Variants in DIAPH3 observed in about 807,000 individuals in gnomAD.
The protein encoded by DIAPH3 is diaphanous related formin 3.
DIAPH3 carries 117 observed loss-of-function variants against 144.3 expected under a neutral mutation model. The ratio of observed to expected loss-of-function variants is 0.81; its 90% CI spans 0.70 to 0.95. The LOEUF (loss-of-function observed/expected upper bound fraction) is 0.95, where lower values mean the gene tolerates loss of function less well. Among genes scored for constraint, DIAPH3 ranks in the 40% least tolerant of loss-of-function variants. The pLI is 0.00. For synonymous variants in DIAPH3, 519 were observed against 488.9 expected (o/e 1.06, Z -0.81); for missense variants, 1,421 against 1,412.7 (o/e 1.01, Z -0.09).
At chr13:59,970,772 C>T (rs994810686) in intron 16 of DIAPH3, 80 bp downstream of exon 16, 12 of 1,248,510 alleles carry the variant, frequency 9.6e-6, no homozygotes, top group Non-Finnish European at 1.3e-5. Flanking sequence ...AATTAAATCT[C>T]ATTAGAAATT....
chr13:59,838,670 TAG>T (rs2139762196), intron 23 of DIAPH3: 1 of 152,424 alleles, frequency 6.6e-6, no homozygotes, highest in Admixed American at 6.5e-5. Flanking sequence ...ATCATGAGTT[TAG>T]AGTCAAACTT....
chr13:59,992,646 T>C (rs573381931), intron 9 of DIAPH3, 63 bp from the exon 10 acceptor site: 97 of 1,300,474 alleles, frequency 7.5e-5, no homozygotes, highest in Non-Finnish European at 9.8e-5. Context: ...GTAACAAACG[T>C]AAACTTCAAG....
rs200132378 is a variant in DIAPH3 at position 60,044,014 on chromosome 13, G to GA, written c.496-1195dup. On this transcript the variant is annotated intron_variant, in intron 4 of 27. Transcript: ENST00000400324. ...AAGACAGCTAACCATGCATATACAG[G>GA]AAAAAAAAATGCTGTGATGGAGGGA... is the stretch of plus-strand genomic sequence containing the variant. Among the ~76,000 whole-genome samples the GA allele has an allele frequency of 1.1e-3, 169 of 150,444 alleles. 1 individual carries two copies. Among genetic ancestry groups the GA allele is most frequent in the Non-Finnish European group, 2.0e-3 (132 of 67,472 alleles).
chr13:59,759,180 T>G (rs937458572), intron 27 of DIAPH3, among the ~76,000 whole-genome samples: 7 of 152,078 alleles, frequency 4.6e-5, no homozygotes, highest in African/African-American at 1.7e-4. Context: ...AAGAAGACCT[T>G]AGTGCAAAAA....
Position 59,839,405 on chromosome 13 carries a change from C to G in DIAPH3, c.2781G>C (p.Arg927Ser), listed in dbSNP as rs865909455. 1.2e-6 allele frequency: 2 copies of G among 1,613,702 alleles called. No homozygotes were observed. Among genetic ancestry groups the G allele is most frequent in the Middle Eastern group, 1.7e-4 (1 of 6,054 alleles). The stretch of plus-strand genomic sequence containing the variant: ...ATTCCTTCTCAAGCTGTTGAAGCTG[C>G]CTTCCCATCTGCCTCAAATTCTTTT... ...TLEKNLRQMG[R>S]QLQQLEKELE... Residue 927 changes from arginine to serine, a missense_variant, in exon 23 of 28, where the codon AGG becomes AGC. Transcript: ENST00000400324.
At chr13:59,907,392 A>G (rs562421677) in intron 20 of DIAPH3, among the ~76,000 whole-genome samples, 1 of 152,234 alleles carries the variant, frequency 6.6e-6, no homozygotes, top group South Asian at 2.1e-4. Context: ...CTAAAACACC[A>G]TTTGGCCAGG....
In DIAPH3 at chr13:60,127,427, T is replaced by C. The variant is rs546156811; in HGVS notation, c.213+5530A>G. ...TAAAAAAAAGTTCAACATTAGTAAT[T>C]GTGGGAAACAATTTGTCAGTTTCTT... On this transcript the variant is annotated intron_variant, in intron 2 of 27. Transcript: ENST00000400324. Among the ~76,000 whole-genome samples the C allele has an allele frequency of 5.9e-5, 9 of 152,186 alleles. No homozygotes were observed. The East Asian group carries it at 1.5e-3, about 26-fold the overall frequency.
At chr13:59,719,520 A>G (rs770937461) in intron 27 of DIAPH3, among the ~76,000 whole-genome samples, 2 of 152,058 alleles carry the variant, frequency 1.3e-5, no homozygotes, top group Non-Finnish European at 2.9e-5. Context: ...GTGACATTCC[A>G]TTAGGCCATG....
At position 59,737,824 on chromosome 13, in the gene DIAPH3, G is replaced by C. The variant is rs148338023; in HGVS notation, c.3319+36365C>G. Among the ~76,000 whole-genome samples, 416 of 152,010 alleles carry C rather than the reference G, an allele frequency of 2.7e-3. 3 individuals carry two copies. Among genetic ancestry groups the C allele is most frequent in the African/African-American group, 9.5e-3 (396 of 41,514 alleles). The stretch of plus-strand genomic sequence containing the variant: ...ACTCTTATCTTCAAATACATTCTAA[G>C]TTTAGTTGCCATCCTCAGAAATATA... On this transcript the variant is annotated intron_variant, in intron 27 of 27. Transcript: ENST00000400324.
chr13:59,830,960 G>A, intron 24 of DIAPH3, among the ~76,000 whole-genome samples: 1 of 151,822 alleles, frequency 6.6e-6, no homozygotes, highest in South Asian at 2.1e-4. Flanking sequence ...TAGAATACAA[G>A]AGGCAGCATG....
intron 17 of DIAPH3, among the ~76,000 whole-genome samples, chr13:59,967,970 C>A (rs1314509848): frequency 2.0e-5 from 3 of 152,114 alleles, no homozygotes; most frequent in African/African-American, 7.2e-5. Context: ...CCTCTGCCAG[C>A]CTCTAAGTCA....
chr13:60,125,876 GAGA>G (rs1387342516), intron 2 of DIAPH3, among the ~76,000 whole-genome samples: 3 of 152,062 alleles, frequency 2.0e-5, no homozygotes, highest in South Asian at 4.1e-4. Flanking sequence ...GAAGAAACGA[GAGA>G]AGAAGAGATT....
At chr13:59,667,280 T>C (rs1041798549) in intron 27 of DIAPH3, among the ~76,000 whole-genome samples, 5 of 152,190 alleles carry the variant, frequency 3.3e-5, no homozygotes, top group Non-Finnish European at 4.4e-5. Context: ...GGACACACAA[T>C]ATATTTGCTC....
At chr13:59,788,029 C>T (rs11841641) in intron 25 of DIAPH3, among the ~76,000 whole-genome samples, 11,590 of 152,238 alleles carry the variant, frequency 0.076, 567 homozygotes, top group South Asian at 0.18. Context: ...TTCTGTTCTT[C>T]ATAAGCTACT....
At chr13:59,898,659 C>G (rs9528044) in intron 20 of DIAPH3, among the ~76,000 whole-genome samples, 149,150 of 152,322 alleles carry the variant, frequency 0.98, 73,095 homozygotes, top group Middle Eastern at 1. Flanking sequence ...GAGTACCTGA[C>G]AGAATGATTC....
chr13:60,016,499 C>A (rs2053660193), intron 5 of DIAPH3, among the ~76,000 whole-genome samples: 1 of 152,194 alleles, frequency 6.6e-6, no homozygotes, highest in Non-Finnish European at 1.5e-5. Flanking sequence ...CCCACGCACC[C>A]AGAGCTGGCT....
rs1183879655 is a variant in DIAPH3, at chr13:59,666,610, G to A, written c.3556C>T (p.Leu1186=). The change falls in exon 28 of 28, where the codon CTG becomes TTG. Residue 1186 remains leucine, a synonymous_variant. Transcript: ENST00000400324. The part of the protein sequence containing the change: ...KNESVPEVEA[L]LARLRAL ...TATAAAGCTCGTAATCTTGCCAGCA[G>A]GGCTTCAACTTCGGGAACTGATTCA... 1 of 1,614,008 alleles carries A rather than the reference G, an allele frequency of 6.2e-7. No homozygotes were observed. Among genetic ancestry groups the A allele is most frequent in the Admixed American group, 1.7e-5 (1 of 60,016 alleles).
chr13:60,152,543 A>C (rs1247308005), intron 1 of DIAPH3, among the ~76,000 whole-genome samples: 2 of 151,316 alleles, frequency 1.3e-5, no homozygotes, highest in Non-Finnish European at 3.0e-5. Context: ...TGAATTTAAA[A>C]AAATCAAAAT....
chr13:60,108,572 C>T (rs1002224392), intron 3 of DIAPH3, among the ~76,000 whole-genome samples: 11 of 151,994 alleles, frequency 7.2e-5, no homozygotes, highest in Non-Finnish European at 1.5e-4. Flanking sequence ...TGCCACTGCA[C>T]TCCAGCCTGG....
Sources: gnomAD v4.1 joint callset for allele counts (sites outside exome capture counted in the v4.1 genomes callset) on GRCh38, gnomAD v4.1.1 for gene constraint, MANE v1.5 for transcripts, NCBI Gene and HGNC (gene_info 2026-07-23, HGNC 2026-07-21) for gene names.